Variants in PDILT observed in about 807,000 individuals in gnomAD.
The protein encoded by PDILT is protein disulfide-isomerase-like protein of the testis.
A neutral mutation model predicts 53.7 loss-of-function variants in PDILT; 43 were observed. That is an observed-to-expected ratio of 0.80 (90% CI 0.63 to 1.03). The LOEUF is 1.03. PDILT is among the 50% of genes least tolerant of loss of function. The pLI is 0.00. For synonymous variants in PDILT, 282 were observed against 274.2 expected, an observed-to-expected ratio of 1.03 and a Z score of -0.28; for missense variants, 727 against 712.3, an observed-to-expected ratio of 1.02 and a Z score of -0.24.
rs758745039 is a variant in PDILT at position 20,399,184 on chromosome 16, G to A, written c.117C>T (p.Ile39=). The A allele has an allele frequency of 1.4e-5, 22 of 1,614,200 alleles. No homozygotes were observed. The highest frequency in any genetic ancestry group is 2.2e-5 in the South Asian group (2 of 91,078). The stretch of plus-strand genomic sequence containing the variant: ...GCACTAGGAGACTGCGTTCCTCCAG[G>A]ATGTGCACAGGCTTGGTTATGTGGA... ...SSIHITKPVH[I]LEERSLLVLT... Residue 39 remains isoleucine, a synonymous_variant, in exon 2 of 12, where the codon ATC becomes ATT. Transcript: ENST00000302451.
intron 7 of PDILT, among the ~76,000 whole-genome samples, chr16:20,372,451 C>A (rs1966320462): frequency 6.6e-6 from 1 of 152,182 alleles, no homozygotes; most frequent in African/African-American, 2.4e-5. Context: ...CCTGCCCCCA[C>A]CTCCAGGCCA....
intron 1 of PDILT, among the ~76,000 whole-genome samples, chr16:20,401,028 C>T (rs1009036900): frequency 6.6e-6 from 1 of 152,212 alleles, no homozygotes; most frequent in African/African-American, 2.4e-5. Context: ...GTAAATCTAT[C>T]ATTCAGTTTG....
At chr16:20,389,851 C>G (rs1042195715) in intron 2 of PDILT, among the ~76,000 whole-genome samples, 1 of 152,088 alleles carries the variant, frequency 6.6e-6, no homozygotes, top group African/African-American at 2.4e-5. Context: ...TTGAGTCTGC[C>G]TTTCTTTAGA....
intron 3 of PDILT, among the ~76,000 whole-genome samples, chr16:20,382,491 T>C (rs1470162601): frequency 1.3e-5 from 2 of 152,234 alleles, no homozygotes; most frequent in Non-Finnish European, 2.9e-5. Context: ...GGATCTGGAA[T>C]ATTAATAATC....
chr16:20,398,404 T>A (rs1175658593), intron 2 of PDILT, among the ~76,000 whole-genome samples: 1 of 152,140 alleles, frequency 6.6e-6, no homozygotes, highest in Non-Finnish European at 1.5e-5. Flanking sequence ...GGCAGATCAT[T>A]TGAGGTCAGG....
intron 1 of PDILT, among the ~76,000 whole-genome samples, chr16:20,399,526 A>C (rs1966704251): frequency 6.6e-6 from 1 of 152,186 alleles, no homozygotes; most frequent in Non-Finnish European, 1.5e-5. Flanking sequence ...AGCTTAAAGC[A>C]GCAAGAACCC....
intron 2 of PDILT, among the ~76,000 whole-genome samples, chr16:20,393,581 G>T (rs562356444): frequency 6.6e-6 from 1 of 152,196 alleles, no homozygotes; most frequent in South Asian, 2.1e-4. Context: ...CAGGACTCAG[G>T]GGGGCTGAGT....
chr16:20,371,948 CT>C (rs1966313017), intron 7 of PDILT, among the ~76,000 whole-genome samples: 1 of 151,724 alleles, frequency 6.6e-6, no homozygotes. Context: ...GTGTTATATT[CT>C]AGTGGCTTTC....
At chr16:20,365,022 T>C (rs1412780319) in intron 9 of PDILT, among the ~76,000 whole-genome samples, 1 of 152,218 alleles carries the variant, frequency 6.6e-6, no homozygotes, top group African/African-American at 2.4e-5. Flanking sequence ...GAGACCCTAT[T>C]TAGTCATCTG....
chr16:20,403,666 G>T (rs890019416), intron 1 of PDILT, among the ~76,000 whole-genome samples: 2 of 148,398 alleles, frequency 1.3e-5, no homozygotes, highest in Admixed American at 6.7e-5. Context: ...GCAAAAAAAA[G>T]CTTCTGCCTC....
intron 3 of PDILT, among the ~76,000 whole-genome samples, chr16:20,378,542 A>C (rs920395628): frequency 1.3e-5 from 2 of 152,082 alleles, no homozygotes; most frequent in African/African-American, 4.8e-5. Flanking sequence ...TGCTGTACCT[A>C]TCAACCCATC....
At position 20,403,131 on chromosome 16, in the gene PDILT, T is replaced by G. The variant is rs75422538; in HGVS notation, c.-8+1365A>C. Among the ~76,000 whole-genome samples the G allele has an allele frequency of 3.8e-3, 584 of 152,278 alleles. 4 individuals are homozygous for G. The highest frequency in any genetic ancestry group is 0.014 in the African/African-American group (568 of 41,558). ...GCATTCCCTCCACATTCTCCCTGTGTGCATTCTCCCTGTATGCCGTGGAGA... is the reference window on the plus strand; with the variant it reads ...GCATTCCCTCCACATTCTCCCTGTGGGCATTCTCCCTGTATGCCGTGGAGA... On this transcript the variant is annotated intron_variant, in intron 1 of 11. Coordinates refer to ENST00000302451, the MANE Select transcript of PDILT (RefSeq NM_174924.2).
intron 9 of PDILT, 106 bp from the exon 10 acceptor site, chr16:20,362,688 T>G: frequency 1.0e-6 from 1 of 985,556 alleles, no homozygotes; most frequent in African/African-American, 1.6e-5. Flanking sequence ...CCTGCTGTTT[T>G]GCCAATTGCA....
At chr16:20,370,883 G>A (rs1219967619) in intron 7 of PDILT, among the ~76,000 whole-genome samples, 1 of 152,188 alleles carries the variant, frequency 6.6e-6, no homozygotes, top group Non-Finnish European at 1.5e-5. Flanking sequence ...CCATGGCAAT[G>A]TCAGGAAGTT....
chr16:20,382,756 C>T (rs1966478134), intron 3 of PDILT, among the ~76,000 whole-genome samples: 1 of 152,024 alleles, frequency 6.6e-6, no homozygotes, highest in Non-Finnish European at 1.5e-5. Context: ...TTTCACCATC[C>T]CCATTTAACA....
At chr16:20,390,803 C>T (rs974620350) in intron 2 of PDILT, 1 of 152,200 alleles carries the variant, frequency 6.6e-6, no homozygotes, top group African/African-American at 2.4e-5. Flanking sequence ...CAGTCTTCAC[C>T]ACTTACCAGT....
chr16:20,384,765 C>A lies in PDILT; in HGVS notation c.289G>T (p.Gly97Cys). 6.2e-7 allele frequency: 1 copy of A among 1,614,120 alleles called. No homozygotes were observed. Among genetic ancestry groups the A allele is most frequent in the Non-Finnish European group, 8.5e-7 (1 of 1,180,014 alleles). The change falls in exon 3 of 12, where the codon GGC becomes TGC. Residue 97 changes from glycine to cysteine, a missense_variant. By Grantham distance (159) the Gly-to-Cys change is radical. Coordinates refer to ENST00000302451, the MANE Select transcript of PDILT (RefSeq NM_174924.2). ...ATGGTAATGTCCACTTTGCCAAAGC[C>A]GATCCCATTCTTGCCTTTGCCCATG... Reference protein sequence around the residue: ...EIMGKGKNGIGFGKVDITIEK... With the variant: ...EIMGKGKNGICFGKVDITIEK...
chr16:20,402,725 C>G (rs1345883555), intron 1 of PDILT, among the ~76,000 whole-genome samples: 1 of 152,148 alleles, frequency 6.6e-6, no homozygotes, highest in Non-Finnish European at 1.5e-5. Flanking sequence ...CTCTCTCTGC[C>G]CTGCTGCTGT....
At chr16:20,393,673 T>C (rs1354896202) in intron 2 of PDILT, among the ~76,000 whole-genome samples, 1 of 152,074 alleles carries the variant, frequency 6.6e-6, no homozygotes, top group African/African-American at 2.4e-5. Flanking sequence ...AGGACAAGGA[T>C]TGAGGAAGGA....
Sources: gnomAD v4.1 joint callset for allele counts (sites outside exome capture counted in the v4.1 genomes callset) on GRCh38, gnomAD v4.1.1 for gene constraint, MANE v1.5 for transcripts, NCBI Gene and HGNC (gene_info 2026-07-23, HGNC 2026-07-21) for gene names.